Variants in NBEAL1 observed in about 807,000 individuals in gnomAD.
NBEAL1 encodes the protein neurobeachin-like protein 1.
In NBEAL1, 273 loss-of-function variants were observed where a neutral mutation model predicts 351.3. That is an observed-to-expected ratio of 0.78 (90% CI 0.70 to 0.86). NBEAL1 has a LOEUF of 0.86. NBEAL1 is among the 40% of genes least tolerant of loss of function. The pLI is 0.00. For missense variants in NBEAL1, 2,961 were observed against 3,201.3 expected (o/e 0.92, Z 1.81); for synonymous variants, 1,050 against 1,086.4 (o/e 0.97, Z 0.66).
chr2:203,050,604 A>T (rs2061309105), intron 4 of NBEAL1, among the ~76,000 whole-genome samples: 1 of 152,216 alleles, frequency 6.6e-6, no homozygotes. Context: ...ATTTCATTTT[A>T]TTATTTTATC....
chr2:203,025,893 T>A (rs2060848663), intron 2 of NBEAL1, among the ~76,000 whole-genome samples: 1 of 152,058 alleles, frequency 6.6e-6, no homozygotes, highest in Non-Finnish European at 1.5e-5. Flanking sequence ...TTTTTTTTTA[T>A]CCCATCATTT....
chr2:203,106,233 A>G (rs1157540911), intron 12 of NBEAL1, among the ~76,000 whole-genome samples: 1 of 152,170 alleles, frequency 6.6e-6, no homozygotes, highest in Non-Finnish European at 1.5e-5. Flanking sequence ...TTATTACTTT[A>G]CACTCTTATC....
Position 203,057,227 on chromosome 2 carries a change from T to C in NBEAL1, c.388-99T>C, listed in dbSNP as rs957487052. The C allele has an allele frequency of 8.9e-6, 9 of 1,009,760 alleles. No individual in the cohort carries two copies. In the African/African-American group the frequency reaches 1.1e-4, roughly 13 times the overall value. 62.6% of individuals were successfully genotyped at this position (1,009,760 alleles called of 1,614,324 possible). ...CCAGTCCATATGATTAAATGACTCT[T>C]AGTCTCAAAGGGAAAGTTTGGCTTG... On this transcript the variant is annotated intron_variant, in intron 5 of 55. Transcript: ENST00000683969.
At chr2:203,198,593 C>T (rs1249243635) in intron 48 of NBEAL1, among the ~76,000 whole-genome samples, 1 of 152,024 alleles carries the variant, frequency 6.6e-6, no homozygotes, top group Non-Finnish European at 1.5e-5. Context: ...GGGCTGAGCG[C>T]AGTGGCTCAC....
intron 7 of NBEAL1, among the ~76,000 whole-genome samples, chr2:203,073,768 T>C (rs557330786): frequency 6.6e-6 from 1 of 152,330 alleles, no homozygotes; most frequent in East Asian, 1.9e-4. Flanking sequence ...ATTAACTTCC[T>C]CTTAATTGCT....
chr2:203,134,669 A>G (rs2063156798), intron 27 of NBEAL1, among the ~76,000 whole-genome samples: 1 of 152,236 alleles, frequency 6.6e-6, no homozygotes, highest in African/African-American at 2.4e-5. Context: ...CTGAATGTCT[A>G]AAGCTTTTTA....
intron 4 of NBEAL1, among the ~76,000 whole-genome samples, chr2:203,051,115 T>C (rs2061316924): frequency 6.6e-6 from 1 of 152,218 alleles, no homozygotes; most frequent in Admixed American, 6.5e-5. Flanking sequence ...TTTGCAGGAA[T>C]TATGGAATGA....
rs971078526 is a variant in NBEAL1 at position 203,144,744 on chromosome 2, C to G, written c.4993C>G (p.Leu1665Val). 1 of 1,614,156 alleles carries G rather than the reference C, an allele frequency of 6.2e-7. No homozygotes were observed. The highest frequency in any genetic ancestry group is 8.5e-7 in the Non-Finnish European group (1 of 1,180,012). The change falls in exon 32 of 56, where the codon CTG becomes GTG. Residue 1665 changes from leucine to valine, a missense_variant. Leu to Val is a conservative substitution (Grantham distance 32). Coordinates refer to ENST00000683969, the MANE Select transcript of NBEAL1 (RefSeq NM_001378026.1). ...IKEQTEIYSFLIPLVRTLVSK... is the reference protein window; with the variant it reads ...IKEQTEIYSFVIPLVRTLVSK... ...GGAACAGACTGAAATCTACTCATTT[C>G]TGATTCCCCTTGTTCGTACCCTGGT...
intron 52 of NBEAL1, 90 bp downstream of exon 52, chr2:203,208,843 TAA>T (rs2065687987): frequency 4.3e-6 from 4 of 925,162 alleles, no homozygotes; most frequent in South Asian, 1.8e-5. Context: ...GAGGAATTGA[TAA>T]GAGTATAGAA....
chr2:203,188,319 A>T (rs2064971354), intron 44 of NBEAL1, among the ~76,000 whole-genome samples, 153 bp from the exon 45 acceptor site: 1 of 152,224 alleles, frequency 6.6e-6, no homozygotes, highest in Admixed American at 6.5e-5. Context: ...TATTGAATAA[A>T]TGCTTGCCAT....
Position 203,213,498 on chromosome 2 carries a change from AT to A in NBEAL1, c.7935-14del. 6.3e-7 allele frequency: 1 copy of A among 1,598,374 alleles called. No individual in the cohort carries two copies. On this transcript the variant is annotated intron_variant, in intron 54 of 55. Coordinates refer to ENST00000683969, the MANE Select transcript of NBEAL1 (RefSeq NM_001378026.1). ...TATAAATCCGTGTAATTATGTCTGT[AT>A]TTTTTATTTCTTTTCTAGCTTGAAT...
At chr2:203,190,480 T>TA in intron 46 of NBEAL1, 91 bp downstream of exon 46, 1 of 885,446 alleles carries the variant, frequency 1.1e-6, no homozygotes, top group South Asian at 1.6e-5. Context: ...TCCATGTATA[T>TA]AGCCAGTTAC....
At chr2:203,136,401 C>A in intron 28 of NBEAL1, 149 bp downstream of exon 28, 1 of 799,916 alleles carries the variant, frequency 1.3e-6, no homozygotes, top group Non-Finnish European at 1.9e-6. Context: ...ACCTGGAAGT[C>A]ACTAGATTGT....
intron 2 of NBEAL1, among the ~76,000 whole-genome samples, chr2:203,026,417 G>T (rs970046685): frequency 1.3e-5 from 2 of 152,030 alleles, no homozygotes; most frequent in African/African-American, 2.4e-5. Context: ...ATGTTGTAGA[G>T]AAATGATATT....
chr2:203,144,916 T>C lies in NBEAL1; in HGVS notation c.5154+11T>C, dbSNP rs1336450261. The C allele has an allele frequency of 6.4e-7, 1 of 1,554,414 alleles. No individual in the cohort carries two copies. The highest frequency in any genetic ancestry group is 8.7e-7 in the Non-Finnish European group (1 of 1,152,922). ...TACATTGAAAAATATGTAAGTTTTA[T>C]CTTTTTTGATCAAGATTTTTCTGCT... On this transcript the variant is annotated intron_variant, in intron 32 of 55. Coordinates refer to ENST00000683969, the MANE Select transcript of NBEAL1 (RefSeq NM_001378026.1).
intron 2 of NBEAL1, among the ~76,000 whole-genome samples, chr2:203,023,342 A>G (rs771937484): frequency 2.0e-5 from 3 of 152,244 alleles, no homozygotes; most frequent in Non-Finnish European, 2.9e-5. Flanking sequence ...AAGAAAAGAA[A>G]ACAAAATCAT....
intron 35 of NBEAL1, among the ~76,000 whole-genome samples, chr2:203,155,456 A>G (rs1425588207): frequency 1.3e-5 from 2 of 151,422 alleles, no homozygotes; most frequent in Non-Finnish European, 2.9e-5. Flanking sequence ...TTGTTTTGTG[A>G]GACAGGATAT....
At chr2:203,116,616 AT>A (rs2062703364) in intron 18 of NBEAL1, among the ~76,000 whole-genome samples, 1 of 138,080 alleles carries the variant, frequency 7.2e-6, no homozygotes, top group African/African-American at 2.6e-5. Context: ...TATAAAACTT[AT>A]GAAAAATGCC....
chr2:203,162,839 A>C (rs1156656283), intron 36 of NBEAL1, among the ~76,000 whole-genome samples: 1 of 152,060 alleles, frequency 6.6e-6, no homozygotes, highest in Non-Finnish European at 1.5e-5. Flanking sequence ...GCAGTGACCA[A>C]GTCTCACAAA....
Sources: allele counts gnomAD v4.1 joint callset (sites outside exome capture counted in the v4.1 genomes callset), GRCh38; gene constraint gnomAD v4.1.1; transcripts MANE v1.5; gene names NCBI Gene and HGNC (gene_info 2026-07-23, HGNC 2026-07-21).